The following SMURF1 variants were observed in gnomAD, a reference collection of about 807,000 sequenced individuals.
SMURF1 encodes the protein SMAD specific E3 ubiquitin protein ligase 1.
SMURF1 carries 44 observed loss-of-function variants against 98.0 expected under a neutral mutation model. The observed-to-expected ratio is 0.45, with a 90% CI of 0.35 to 0.58. The LOEUF (loss-of-function observed/expected upper bound fraction) is 0.58. Among genes scored for constraint, SMURF1 ranks in the 20% least tolerant of loss-of-function variants. The probability of loss-of-function intolerance (pLI) is 0.00; values close to 1 mark genes in which losing one functional copy is unlikely to be tolerated. For missense variants in SMURF1, 687 were observed against 938.4 expected (o/e 0.73, Z 3.50); for synonymous variants, 396 against 374.9 (o/e 1.06, Z -0.65).
At chr7:99,063,279 A>ATATATATATATATATATAAGATTTT (rs1796104124) in intron 1 of SMURF1, among the ~76,000 whole-genome samples, 9 of 19,350 alleles carry the variant, frequency 4.7e-4, no homozygotes. Flanking sequence ...ATATATATAT[A>ATATATATATATATATATAAGATTTT]TATATATATA....
At chr7:99,041,729 T>C (rs776422470) in intron 12 of SMURF1, among the ~76,000 whole-genome samples, 2 of 152,180 alleles carry the variant, frequency 1.3e-5, no homozygotes, top group African/African-American at 2.4e-5. Flanking sequence ...GTGGCAGCAT[T>C]TGTGGCTTAA....
At chr7:99,054,961 T>A (rs952624957) in intron 5 of SMURF1, 96 bp from the exon 6 acceptor site, 1 of 1,167,460 alleles carries the variant, frequency 8.6e-7, no homozygotes, top group South Asian at 1.2e-5. Flanking sequence ...ATGTACAATA[T>A]CATAAAAAAC....
chr7:99,035,466 C>CAT, intron 16 of SMURF1, 49 bp downstream of exon 16: 5 of 1,602,330 alleles, frequency 3.1e-6, no homozygotes, highest in Non-Finnish European at 4.3e-6. Flanking sequence ...TTCCTGCCCA[C>CAT]AGCGCACATA....
At chr7:99,040,891 T>G (rs1469287390) in intron 12 of SMURF1, among the ~76,000 whole-genome samples, 2 of 152,132 alleles carry the variant, frequency 1.3e-5, no homozygotes, top group Non-Finnish European at 2.9e-5. Flanking sequence ...GCCTTGACAC[T>G]GCAGGGCCTC....
In SMURF1 at chr7:99,051,427, C is replaced by G. The variant is rs942071304; in HGVS notation, c.736G>C (p.Val246Leu). Residue 246 changes from valine to leucine, a missense_variant, in exon 8 of 18, where the codon GTC (valine) becomes CTC (leucine). Transcript: ENST00000361368. The stretch of plus-strand genomic sequence containing the variant: ...TGCAAAAAGTAAACTTGGCCCTGGA[C>G]TGTTGTTCTTTGTTCTACACAAGAA... Reference protein sequence around the residue: ...LPEGYEQRTTVQGQVYFLHTQ... With the variant: ...LPEGYEQRTTLQGQVYFLHTQ... The G allele has an allele frequency of 5.0e-6, 8 of 1,613,992 alleles. No individual in the cohort carries two copies. Among genetic ancestry groups the G allele is most frequent in the Non-Finnish European group, 5.1e-6 (6 of 1,179,914 alleles).
chr7:99,051,030 G>A, intron 8 of SMURF1: 1 of 1,493,858 alleles, frequency 6.7e-7, no homozygotes, highest in East Asian at 2.5e-5. Flanking sequence ...AGAGAGAAAG[G>A]GTAACAGAGT....
intron 11 of SMURF1, 70 bp downstream of exon 11, chr7:99,045,628 A>G: frequency 7.6e-6 from 10 of 1,320,320 alleles, no homozygotes; most frequent in Non-Finnish European, 9.8e-6. Flanking sequence ...GCACTGGAGA[A>G]GGGCAAATGA....
At chr7:99,117,731 A>G (rs1217473713) in intron 1 of SMURF1, among the ~76,000 whole-genome samples, 1 of 152,208 alleles carries the variant, frequency 6.6e-6, no homozygotes, top group Non-Finnish European at 1.5e-5. Flanking sequence ...GTAAAAAGAT[A>G]ACCCATAAAA....
intron 1 of SMURF1, among the ~76,000 whole-genome samples, chr7:99,139,215 C>T (rs989971921): frequency 2.6e-5 from 4 of 152,238 alleles, no homozygotes; most frequent in African/African-American, 9.6e-5. Context: ...AACTATTTCA[C>T]TCACAGTTGC....
At chr7:99,088,545 G>A (rs1796733532) in intron 1 of SMURF1, among the ~76,000 whole-genome samples, 1 of 151,754 alleles carries the variant, frequency 6.6e-6, no homozygotes, top group African/African-American at 2.4e-5. Context: ...ACTAAAAGTA[G>A]TGACTATGCA....
chr7:99,069,788 A>G (rs975450890), intron 1 of SMURF1, among the ~76,000 whole-genome samples: 3 of 152,266 alleles, frequency 2.0e-5, no homozygotes, highest in African/African-American at 7.2e-5. Context: ...ACTGAACTCC[A>G]TTCCATTATC....
intron 10 of SMURF1, 36 bp from the exon 11 acceptor site, chr7:99,045,837 A>G (rs777449332): frequency 1.3e-6 from 2 of 1,490,298 alleles, no homozygotes; most frequent in African/African-American, 1.4e-5. Flanking sequence ...AGAGAAGAAC[A>G]TTCTTATTCT....
At chr7:99,076,753 A>T (rs1796467404) in intron 1 of SMURF1, among the ~76,000 whole-genome samples, 1 of 152,202 alleles carries the variant, frequency 6.6e-6, no homozygotes, top group African/African-American at 2.4e-5. Flanking sequence ...GATGCTGTTA[A>T]TTGGGGAATC....
At chr7:99,062,005 T>C (rs1272030414) in intron 1 of SMURF1, among the ~76,000 whole-genome samples, 168 bp from the exon 2 acceptor site, 1 of 152,070 alleles carries the variant, frequency 6.6e-6, no homozygotes, top group Admixed American at 6.6e-5. Context: ...ATCTAAAAAG[T>C]GTTTTCTCCT....
intron 1 of SMURF1, among the ~76,000 whole-genome samples, chr7:99,118,490 C>T (rs546604434): frequency 2.2e-4 from 34 of 152,114 alleles, no homozygotes; most frequent in Non-Finnish European, 3.8e-4. Context: ...ATACAAGTTA[C>T]GACAGGATTG....
At chr7:99,102,639 T>C (rs536693941) in intron 1 of SMURF1, among the ~76,000 whole-genome samples, 1 of 152,318 alleles carries the variant, frequency 6.6e-6, no homozygotes, top group South Asian at 2.1e-4. Context: ...ATTTTTCTTA[T>C]ACTTTTAAAT....
At chr7:99,072,663 A>G (rs1796355051) in intron 1 of SMURF1, among the ~76,000 whole-genome samples, 1 of 152,122 alleles carries the variant, frequency 6.6e-6, no homozygotes, top group African/African-American at 2.4e-5. Context: ...AGAAAAGAAA[A>G]TCCGAAGGTG....
chr7:99,050,879 A>G, intron 8 of SMURF1: 1 of 1,195,968 alleles, frequency 8.4e-7, no homozygotes, highest in Non-Finnish European at 1.1e-6. Flanking sequence ...AAAGAAACTT[A>G]ACTCTGTTAT....
Position 99,129,923 on chromosome 7 carries a change from G to T in SMURF1, c.55+13803C>A, listed in dbSNP as rs568873706. ...ATAGAAGTGAAAATACAGAGCCCCA[G>T]ATATCAAGAACAGACATTAATTCAA... On this transcript the variant is annotated intron_variant, in intron 1 of 17. Coordinates refer to ENST00000361368, the MANE Select transcript of SMURF1 (RefSeq NM_181349.3). Among the ~76,000 whole-genome samples the T allele has an allele frequency of 2.0e-5, 3 of 152,130 alleles. No homozygotes were observed. The South Asian group carries it at 6.2e-4, about 32-fold the overall frequency.
Sources: gnomAD v4.1 joint callset for allele counts (sites outside exome capture counted in the v4.1 genomes callset) on GRCh38, gnomAD v4.1.1 for gene constraint, MANE v1.5 for transcripts, NCBI Gene and HGNC (gene_info 2026-07-23, HGNC 2026-07-21) for gene names.